The following SGCZ variants were observed in gnomAD, a reference collection of about 807,000 sequenced individuals.
SGCZ encodes the protein zeta-sarcoglycan.
A neutral mutation model predicts 41.3 loss-of-function variants in SGCZ; 40 were observed. The observed-to-expected ratio is 0.97, with a 90% CI of 0.75 to 1.26. SGCZ has a LOEUF of 1.26. Among genes scored for constraint, SGCZ ranks in the 50% most tolerant of loss-of-function variants. The pLI is 0.00. For synonymous variants in SGCZ, 206 were observed against 137.5 expected, an observed-to-expected ratio of 1.50 and a Z score of -3.49; for missense variants, 552 against 369.8, an observed-to-expected ratio of 1.49 and a Z score of -4.04.
chr8:15,013,337 G>C (rs2130929946), intron 1 of SGCZ, among the ~76,000 whole-genome samples: 1 of 152,230 alleles, frequency 6.6e-6, no homozygotes, highest in East Asian at 1.9e-4. Flanking sequence ...GAATCATAAA[G>C]TTGTTATGGA....
At chr8:14,359,512 G>A (rs1803427660) in intron 2 of SGCZ, among the ~76,000 whole-genome samples, 2 of 151,466 alleles carry the variant, frequency 1.3e-5, no homozygotes, top group Admixed American at 1.3e-4. Flanking sequence ...CCAAAAAACT[G>A]AAATAATATC....
At chr8:15,216,126 A>G (rs1801391249) in intron 1 of SGCZ, among the ~76,000 whole-genome samples, 1 of 152,150 alleles carries the variant, frequency 6.6e-6, no homozygotes, top group South Asian at 2.1e-4. Context: ...CAGAGCCACT[A>G]ATTGCATTCT....
At chr8:14,340,243 C>A (rs993334355) in intron 2 of SGCZ, among the ~76,000 whole-genome samples, 1 of 152,026 alleles carries the variant, frequency 6.6e-6, no homozygotes, top group Non-Finnish European at 1.5e-5. Flanking sequence ...GTTGCTAACA[C>A]TCTTATACTT....
chr8:14,341,658 GTGTTATA>G (rs1802711294), intron 2 of SGCZ, among the ~76,000 whole-genome samples: 1 of 152,100 alleles, frequency 6.6e-6, no homozygotes, highest in Non-Finnish European at 1.5e-5. Flanking sequence ...GAATTCCCAT[GTGTTATA>G]GGAGGGACCC....
intron 1 of SGCZ, among the ~76,000 whole-genome samples, chr8:14,648,271 C>G (rs1044174846): frequency 6.6e-6 from 1 of 152,052 alleles, no homozygotes; most frequent in Admixed American, 6.6e-5. Flanking sequence ...CTCTGTCTGG[C>G]TAGATGATGG....
chr8:14,102,415 G>A lies in SGCZ; in HGVS notation c.705C>T (p.Thr235=), dbSNP rs375358298. 16 of 1,527,704 alleles carry A rather than the reference G, an allele frequency of 1.0e-5. No homozygotes were observed. Among genetic ancestry groups the A allele is most frequent in the African/African-American group, 1.4e-5 (1 of 72,510 alleles). 94.6% of individuals were successfully genotyped at this position (1,527,704 alleles called of 1,614,324 possible). A position where few individuals can be genotyped will look rare whatever the true frequency, so the allele number is the denominator to read the frequency against. ...VSAAAGDFKA[T]CRKELHLQST... is the part of the protein sequence containing the mutation. Reference sequence around the variant, plus strand: ...ATTGCAGATGGAGCTCCTTCCTGCAGGTGGCCTTGAAGTCTCCTGCAGCAG... The same window carrying A: ...ATTGCAGATGGAGCTCCTTCCTGCAAGTGGCCTTGAAGTCTCCTGCAGCAG... The change falls in exon 7 of 8, where the codon ACC becomes ACT. Residue 235 remains threonine, a synonymous_variant. Coordinates refer to ENST00000382080, the MANE Select transcript of SGCZ (RefSeq NM_139167.4).
At chr8:14,413,206 C>T (rs1419173937) in intron 2 of SGCZ, among the ~76,000 whole-genome samples, 2 of 151,958 alleles carry the variant, frequency 1.3e-5, no homozygotes, top group Admixed American at 6.6e-5. Flanking sequence ...CAAAAATATA[C>T]TTTCATGATA....
At position 14,131,855 on chromosome 8, in the gene SGCZ, A is replaced by G. The variant is rs111341244; in HGVS notation, c.548-23620T>C. ...TGTGTGCAACTGCCTACAGTATTCA[A>G]TACAGTGACATGCTGTACAGCTTTG... On this transcript the variant is annotated intron_variant, in intron 5 of 7. Transcript: ENST00000382080. 3.7e-3 allele frequency among the ~76,000 whole-genome samples: 562 copies of G among 152,278 alleles called. 2 individuals carry two copies. The highest frequency in any genetic ancestry group is 5.1e-3 in the Non-Finnish European group (350 of 68,024).
At chr8:14,226,353 A>G (rs1806372655) in intron 4 of SGCZ, among the ~76,000 whole-genome samples, 3 of 151,986 alleles carry the variant, frequency 2.0e-5, no homozygotes, top group African/African-American at 7.2e-5. Flanking sequence ...CAGGTTCATC[A>G]CCCTCAGAAA....
intron 1 of SGCZ, among the ~76,000 whole-genome samples, chr8:15,004,687 A>T (rs1021902128): frequency 6.6e-6 from 1 of 152,200 alleles, no homozygotes; most frequent in African/African-American, 2.4e-5. Flanking sequence ...CTCTTGGCAG[A>T]AATCTTTCTC....
intron 1 of SGCZ, among the ~76,000 whole-genome samples, chr8:15,236,618 G>T (rs1478357083): frequency 2.6e-5 from 4 of 152,146 alleles, no homozygotes; most frequent in Non-Finnish European, 5.9e-5. Context: ...GACATTTAAA[G>T]TATTTTGTGG....
intron 1 of SGCZ, among the ~76,000 whole-genome samples, chr8:14,810,121 A>T (rs931086052): frequency 6.6e-6 from 1 of 152,044 alleles, no homozygotes; most frequent in Non-Finnish European, 1.5e-5. Flanking sequence ...TGGCAAAAAA[A>T]TTTCAGGATT....
rs1446835235 is a variant in SGCZ at position 14,702,125 on chromosome 8, G to C, written c.40-147199C>G. ...AATCCCCCGCCATTTTCAAATTCAG[G>C]GATAAATGCTCAGTGCTCACTTTGC... On this transcript the variant is annotated intron_variant, in intron 1 of 7. Transcript: ENST00000382080. Among the ~76,000 whole-genome samples the C allele has an allele frequency of 7.9e-5, 12 of 151,800 alleles. No individual in the cohort carries two copies. In the Admixed American group the frequency reaches 7.9e-4, roughly 10 times the overall value.
In SGCZ at chr8:14,242,612, T is replaced by A. The variant is rs539616052; in HGVS notation, c.337-4933A>T. ...CAGAGCCTCCCTCTGTTGACGGCAA[T>A]GTGTGCTTTTATGATTTATTCCTCA... On this transcript the variant is annotated intron_variant, in intron 3 of 7. Transcript: ENST00000382080. 1.2e-4 allele frequency among the ~76,000 whole-genome samples: 18 copies of A among 152,286 alleles called. No homozygotes were observed. The South Asian group carries it at 3.3e-3, about 28-fold the overall frequency.
At chr8:15,136,101 C>T (rs1347006615) in intron 1 of SGCZ, among the ~76,000 whole-genome samples, 1 of 152,060 alleles carries the variant, frequency 6.6e-6, no homozygotes, top group Non-Finnish European at 1.5e-5. Flanking sequence ...TGGAAAGCTC[C>T]TTCTGTCCCA....
chr8:14,445,326 A>C (rs1288362427), intron 2 of SGCZ, among the ~76,000 whole-genome samples: 5 of 152,084 alleles, frequency 3.3e-5, no homozygotes, highest in African/African-American at 1.2e-4. Flanking sequence ...TACTAATCGA[A>C]TGTTGCCTTT....
chr8:15,156,012 C>A (rs1038944346), intron 1 of SGCZ, among the ~76,000 whole-genome samples: 1 of 137,392 alleles, frequency 7.3e-6, no homozygotes, highest in Non-Finnish European at 1.5e-5. Flanking sequence ...GAGCCAAGAT[C>A]GTGCCATTGC....
At position 15,064,886 on chromosome 8, in the gene SGCZ, G is replaced by A. The variant is rs559198175; in HGVS notation, c.39+172699C>T. Among the ~76,000 whole-genome samples the A allele has an allele frequency of 6.6e-5, 10 of 152,162 alleles. No homozygotes were observed. In the East Asian group the frequency reaches 1.7e-3, roughly 27 times the overall value. On this transcript the variant is annotated intron_variant, in intron 1 of 7. Coordinates refer to ENST00000382080, the MANE Select transcript of SGCZ (RefSeq NM_139167.4). ...ATCTAGACCAAACCCCTGGCGTTTC[G>A]GTTGGCTCTTTGGTGCCAATTTTCA... is the stretch of plus-strand genomic sequence containing the variant.
Position 15,185,625 on chromosome 8 carries a change from C to T in SGCZ, c.39+51960G>A, listed in dbSNP as rs151144789. 2.6e-5 allele frequency among the ~76,000 whole-genome samples: 4 copies of T among 152,276 alleles called. No individual in the cohort carries two copies. The East Asian group carries it at 5.8e-4, about 22-fold the overall frequency. The stretch of plus-strand genomic sequence containing the variant: ...AACAGAAGAGAAACAGGGCTACCAT[C>T]TTGGACAGCACAGAATACATCCTCT... On this transcript the variant is annotated intron_variant, in intron 1 of 7. Coordinates refer to ENST00000382080, the MANE Select transcript of SGCZ (RefSeq NM_139167.4).
Sources: allele counts gnomAD v4.1 joint callset (sites outside exome capture counted in the v4.1 genomes callset), GRCh38; gene constraint gnomAD v4.1.1; transcripts MANE v1.5; gene names NCBI Gene and HGNC (gene_info 2026-07-23, HGNC 2026-07-21).